The following RAPGEF5 variants were observed in gnomAD, a reference collection of about 807,000 sequenced individuals.
RAPGEF5 encodes Rap guanine nucleotide exchange factor 5.
RAPGEF5 carries 65 observed loss-of-function variants against 125.2 expected under a neutral mutation model. The ratio of observed to expected loss-of-function variants is 0.52; its 90% CI spans 0.43 to 0.64. RAPGEF5 has a LOEUF of 0.64. Among genes scored for constraint, RAPGEF5 ranks in the 30% least tolerant of loss-of-function variants. The pLI is 0.00. For missense variants in RAPGEF5, 958 were observed against 1,048.1 expected, an observed-to-expected ratio of 0.91 and a Z score of 1.19; for synonymous variants, 391 against 385.9, an observed-to-expected ratio of 1.01 and a Z score of -0.16.
At position 22,145,314 on chromosome 7, in the gene RAPGEF5, T is replaced by C. The variant is rs926812036; in HGVS notation, c.2008-92A>G. 11 of 1,213,920 alleles carry C rather than the reference T, an allele frequency of 9.1e-6. No individual in the cohort carries two copies. The African/African-American group carries it at 1.4e-4, about 15-fold the overall frequency. The allele number at this position is 1,213,920 out of a possible 1,614,324, so 75.2% of individuals were successfully genotyped here. A position where few individuals can be genotyped will look rare whatever the true frequency, so the allele number is the denominator to read the frequency against. On this transcript the variant is annotated intron_variant, in intron 19 of 25. Transcript: ENST00000665637. ...AAATTTTAAGAGCTACTTCAGGTAGTTCCTCCCATATTATTAATACACTAA... is the reference window on the plus strand; with the variant it reads ...AAATTTTAAGAGCTACTTCAGGTAGCTCCTCCCATATTATTAATACACTAA...
chr7:22,239,307 T>C (rs1246499036), intron 7 of RAPGEF5, among the ~76,000 whole-genome samples: 1 of 152,230 alleles, frequency 6.6e-6, no homozygotes, highest in African/African-American at 2.4e-5. Context: ...CCCATGGTTC[T>C]ATAGAAAAAG....
chr7:22,199,301 G>C (rs1039197591), intron 9 of RAPGEF5, among the ~76,000 whole-genome samples: 1 of 152,084 alleles, frequency 6.6e-6, no homozygotes, highest in South Asian at 2.1e-4. Context: ...CAGTGACCAA[G>C]GCAGGAAGAG....
intron 18 of RAPGEF5, among the ~76,000 whole-genome samples, chr7:22,149,480 C>G (rs4496855): frequency 1.3e-5 from 2 of 152,170 alleles, no homozygotes; most frequent in African/African-American, 2.4e-5. Context: ...GAAGTCTGGT[C>G]CTCCTATTCA....
At chr7:22,231,268 T>C (rs1007904382) in intron 7 of RAPGEF5, among the ~76,000 whole-genome samples, 6 of 152,160 alleles carry the variant, frequency 3.9e-5, no homozygotes, top group Non-Finnish European at 7.3e-5. Flanking sequence ...AACAGCCATA[T>C]ATTTTTTTTA....
chr7:22,184,038 C>T (rs1271519728), intron 11 of RAPGEF5, among the ~76,000 whole-genome samples: 2 of 152,192 alleles, frequency 1.3e-5, no homozygotes, highest in Non-Finnish European at 2.9e-5. Flanking sequence ...ATGCTCTAGA[C>T]TTCCACTTGA....
At chr7:22,268,992 A>G (rs920850070) in intron 6 of RAPGEF5, among the ~76,000 whole-genome samples, 1 of 152,100 alleles carries the variant, frequency 6.6e-6, no homozygotes, top group Non-Finnish European at 1.5e-5. Context: ...GGCAGTGAGA[A>G]AGGCATGAAG....
At position 22,314,605 on chromosome 7, in the gene RAPGEF5, C is replaced by G. The variant is rs537287333; in HGVS notation, c.389+765G>C. 9 of 979,566 alleles carry G rather than the reference C, an allele frequency of 9.2e-6. No homozygotes were observed. In the African/African-American group the frequency reaches 1.2e-4, roughly 13 times the overall value. The allele number at this position is 979,566 out of a possible 1,614,324, so 60.7% of individuals were successfully genotyped here. A position where few individuals can be genotyped will look rare whatever the true frequency, so the allele number is the denominator to read the frequency against. On this transcript the variant is annotated intron_variant, in intron 3 of 25. Coordinates refer to ENST00000665637, the MANE Select transcript of RAPGEF5 (RefSeq NM_012294.5). ...GGTGTCATGAATCCTGAGTCCTCTT[C>G]TTACTCTTGATGGGTATTGCACGTC...
chr7:22,355,396 C>T (rs1174914107), intron 1 of RAPGEF5, among the ~76,000 whole-genome samples: 2 of 152,150 alleles, frequency 1.3e-5, no homozygotes, highest in Admixed American at 6.5e-5. Flanking sequence ...GTATTCTGTG[C>T]CATGAAAAAG....
At chr7:22,123,553 G>A (rs1782647450) in intron 25 of RAPGEF5, among the ~76,000 whole-genome samples, 1 of 152,194 alleles carries the variant, frequency 6.6e-6, no homozygotes, top group Non-Finnish European at 1.5e-5. Flanking sequence ...TTTTCTCTTG[G>A]TGAAACCCCC....
rs1783733765 is a variant in RAPGEF5, at chr7:22,154,451, T to G, written c.1786+4A>C. On this transcript the variant is annotated splice_donor_region_variant and intron_variant, in intron 17 of 25. Coordinates refer to ENST00000665637, the MANE Select transcript of RAPGEF5 (RefSeq NM_012294.5). ...TTAATATTCAAGGGTAGAAAACAAC[T>G]TACCCCCAGAGAATGTGATGGCCAC... is the stretch of plus-strand genomic sequence containing the variant. 1.2e-6 allele frequency: 2 copies of G among 1,613,280 alleles called. No homozygotes were observed. Among genetic ancestry groups the G allele is most frequent in the Non-Finnish European group, 1.7e-6 (2 of 1,179,602 alleles).
chr7:22,356,880 G>A lies in RAPGEF5; in HGVS notation c.181C>T (p.Leu61=). The change falls in exon 1 of 26, where the codon CTG becomes TTG. Residue 61 remains leucine, a synonymous_variant. Coordinates refer to ENST00000665637, the MANE Select transcript of RAPGEF5 (RefSeq NM_012294.5). ...CTCCGCAGCGTGAGCCCGCTCCGCA[G>A]CAGCGCGGGCAGGTCCCTCAGCCGC... ...RPRLRDLPAL[L]RSGLTLRRKR... The A allele has an allele frequency of 8.7e-7, 1 of 1,152,440 alleles. No individual in the cohort carries two copies. The highest frequency in any genetic ancestry group is 1.1e-6 in the Non-Finnish European group (1 of 937,456). The allele number at this position is 1,152,440 out of a possible 1,614,324, so 71.4% of individuals were successfully genotyped here.
chr7:22,313,006 T>C (rs1245743329), intron 3 of RAPGEF5, among the ~76,000 whole-genome samples: 2 of 152,176 alleles, frequency 1.3e-5, no homozygotes, highest in Admixed American at 6.5e-5. Flanking sequence ...CTACCCACAG[T>C]GTATTTTCAG....
At chr7:22,156,560 T>C (rs1783814436) in intron 16 of RAPGEF5, among the ~76,000 whole-genome samples, 2 of 152,244 alleles carry the variant, frequency 1.3e-5, no homozygotes, top group African/African-American at 4.8e-5. Flanking sequence ...GCAAGGAGGC[T>C]CTAGGCATTG....
chr7:22,325,201 A>C (rs1472195828), intron 1 of RAPGEF5, among the ~76,000 whole-genome samples: 1 of 152,244 alleles, frequency 6.6e-6, no homozygotes, highest in East Asian at 1.9e-4. Context: ...ACTGAAATAT[A>C]GTGCCTCCTG....
chr7:22,218,831 C>T (rs79978950), intron 9 of RAPGEF5, among the ~76,000 whole-genome samples: 282 of 152,314 alleles, frequency 1.9e-3, no homozygotes, highest in African/African-American at 6.3e-3. Flanking sequence ...TCAATCACAA[C>T]GCTTTGAAAC....
chr7:22,285,486 T>G (rs1055166357), intron 6 of RAPGEF5, among the ~76,000 whole-genome samples: 3 of 152,206 alleles, frequency 2.0e-5, no homozygotes, highest in Non-Finnish European at 4.4e-5. Flanking sequence ...TTTAAAAGTT[T>G]CCAATCAAAG....
At chr7:22,140,302 C>T (rs1402707554) in intron 20 of RAPGEF5, among the ~76,000 whole-genome samples, 187 bp from the exon 21 acceptor site, 1 of 152,208 alleles carries the variant, frequency 6.6e-6, no homozygotes, top group Non-Finnish European at 1.5e-5. Flanking sequence ...CGCCTCAGCT[C>T]ACTCTTACCT....
At chr7:22,232,526 G>A (rs1018328269) in intron 7 of RAPGEF5, among the ~76,000 whole-genome samples, 2 of 152,152 alleles carry the variant, frequency 1.3e-5, no homozygotes, top group African/African-American at 4.8e-5. Flanking sequence ...CACCATGTTG[G>A]CCAGGCTGGT....
intron 3 of RAPGEF5, among the ~76,000 whole-genome samples, chr7:22,314,309 T>C (rs940833416): frequency 1.3e-5 from 2 of 152,132 alleles, no homozygotes; most frequent in African/African-American, 4.8e-5. Flanking sequence ...AAATGGATAA[T>C]GATTACACAG....
Sources: allele counts gnomAD v4.1 joint callset (sites outside exome capture counted in the v4.1 genomes callset), GRCh38; gene constraint gnomAD v4.1.1; transcripts MANE v1.5; gene names NCBI Gene and HGNC (gene_info 2026-07-23, HGNC 2026-07-21).